The following TBC1D5 variants were observed in gnomAD, a reference collection of about 807,000 sequenced individuals.
TBC1D5 encodes the protein TBC1 domain family member 5.
TBC1D5 carries 75 observed loss-of-function variants against 100.3 expected under a neutral mutation model. That is an observed-to-expected ratio of 0.75 (90% CI 0.62 to 0.91). The LOEUF (loss-of-function observed/expected upper bound fraction) is 0.91, where lower values mean the gene tolerates loss of function less well. Ranked by LOEUF, TBC1D5 falls within the 40% of genes least tolerant of loss-of-function variation. The pLI is 0.00. For missense variants in TBC1D5, 910 were observed against 942.4 expected (o/e 0.97, Z 0.45); for synonymous variants, 323 against 325.6 (o/e 0.99, Z 0.09).
chr3:17,474,728 G>A (rs1012612832), intron 3 of TBC1D5, among the ~76,000 whole-genome samples: 1 of 152,094 alleles, frequency 6.6e-6, no homozygotes, highest in African/African-American at 2.4e-5. Flanking sequence ...AAGGACAGGA[G>A]AAGCACAGGC....
chr3:17,620,787 G>C (rs2062598074), intron 2 of TBC1D5, among the ~76,000 whole-genome samples: 1 of 151,964 alleles, frequency 6.6e-6, no homozygotes, highest in African/African-American at 2.4e-5. Context: ...AATCAATAAG[G>C]ATGTAAAGAA....
intron 13 of TBC1D5, among the ~76,000 whole-genome samples, chr3:17,368,516 T>C (rs1331332186): frequency 6.6e-6 from 1 of 152,098 alleles, no homozygotes; most frequent in Non-Finnish European, 1.5e-5. Context: ...GAAATTGGAC[T>C]CTACATGGGG....
At chr3:17,173,897 G>A (rs2067427107) in intron 19 of TBC1D5, among the ~76,000 whole-genome samples, 1 of 152,192 alleles carries the variant, frequency 6.6e-6, no homozygotes. Context: ...CCTGTCATTT[G>A]TCACTACTGG....
At chr3:17,705,894 G>A (rs1007911351) in intron 1 of TBC1D5, among the ~76,000 whole-genome samples, 1 of 152,100 alleles carries the variant, frequency 6.6e-6, no homozygotes, top group African/African-American at 2.4e-5. Flanking sequence ...GGCCAAGGCA[G>A]GCGTCTGCTC....
chr3:17,557,327 G>T (rs2153463474), intron 2 of TBC1D5, among the ~76,000 whole-genome samples: 1 of 152,186 alleles, frequency 6.6e-6, no homozygotes, highest in South Asian at 2.1e-4. Context: ...GAGCTATTTT[G>T]CCACACAATA....
At chr3:17,487,052 C>A (rs1049020088) in intron 3 of TBC1D5, among the ~76,000 whole-genome samples, 1 of 152,160 alleles carries the variant, frequency 6.6e-6, no homozygotes, top group Non-Finnish European at 1.5e-5. Flanking sequence ...CGGTGGTCAA[C>A]AAACTAAAGC....
chr3:17,490,460 C>T (rs73153055), intron 3 of TBC1D5, among the ~76,000 whole-genome samples: 12,163 of 151,996 alleles, frequency 0.08, 1,002 homozygotes, highest in African/African-American at 0.22. Context: ...AGAGTTTTCA[C>T]AGTTTCATAG....
At chr3:17,540,184 T>C (rs1009633813) in intron 2 of TBC1D5, among the ~76,000 whole-genome samples, 2 of 152,242 alleles carry the variant, frequency 1.3e-5, no homozygotes, top group Non-Finnish European at 2.9e-5. Context: ...CAAACCAAGC[T>C]GTTTGTTTTG....
chr3:17,331,384 T>A (rs1217288155), intron 13 of TBC1D5, among the ~76,000 whole-genome samples: 1 of 152,226 alleles, frequency 6.6e-6, no homozygotes, highest in Non-Finnish European at 1.5e-5. Context: ...ACACAATATA[T>A]GACAACTCTC....
intron 13 of TBC1D5, among the ~76,000 whole-genome samples, chr3:17,354,817 G>T (rs2091041369): frequency 6.6e-6 from 1 of 151,808 alleles, no homozygotes; most frequent in Non-Finnish European, 1.5e-5. Flanking sequence ...TAAATATACA[G>T]GTATGAACTT....
chr3:17,651,589 G>C (rs2065573526), intron 1 of TBC1D5, among the ~76,000 whole-genome samples: 1 of 152,116 alleles, frequency 6.6e-6, no homozygotes, highest in African/African-American at 2.4e-5. Context: ...TGTGATCCCA[G>C]CTACTCAGGA....
rs556025439 is a variant in TBC1D5, at chr3:17,364,401, A to C, written c.995+7674T>G. Among the ~76,000 whole-genome samples, 22 of 152,342 alleles carry C rather than the reference A, an allele frequency of 1.4e-4. No homozygotes were observed. The South Asian group carries it at 4.1e-3, about 29-fold the overall frequency. ...GGCATTTGAGATATATTAATGAATA[A>C]GACAGACAAACTCCTTGCTGTCACA... On this transcript the variant is annotated intron_variant, in intron 13 of 21. Transcript: ENST00000253692.
intron 3 of TBC1D5, among the ~76,000 whole-genome samples, chr3:17,480,061 T>C (rs1254936654): frequency 6.6e-6 from 1 of 152,076 alleles, no homozygotes; most frequent in East Asian, 1.9e-4. Flanking sequence ...CTCTCTGGAG[T>C]GAAGCAAAGC....
chr3:17,346,260 T>C (rs1375382370), intron 13 of TBC1D5, among the ~76,000 whole-genome samples: 1 of 152,158 alleles, frequency 6.6e-6, no homozygotes, highest in South Asian at 2.1e-4. Flanking sequence ...CTTCCAAATA[T>C]GGGGTACACT....
chr3:17,623,170 T>C (rs960761101), intron 2 of TBC1D5, among the ~76,000 whole-genome samples: 3 of 152,184 alleles, frequency 2.0e-5, no homozygotes, highest in African/African-American at 4.8e-5. Context: ...TTAATATTCA[T>C]ATGAATGACC....
intron 18 of TBC1D5, among the ~76,000 whole-genome samples, chr3:17,199,705 C>T (rs572043719): frequency 6.6e-6 from 1 of 152,342 alleles, no homozygotes; most frequent in African/African-American, 2.4e-5. Flanking sequence ...ATGTTGCAAA[C>T]TGTCCCACCT....
At chr3:17,170,354 C>T (rs2470346) in intron 19 of TBC1D5, among the ~76,000 whole-genome samples, 56,326 of 151,998 alleles carry the variant, frequency 0.37, 10,490 homozygotes, top group South Asian at 0.45. Flanking sequence ...TCAGGAGCAT[C>T]AGGACATTTG....
Position 17,410,263 on chromosome 3 carries a change from T to C in TBC1D5, c.168-3737A>G, listed in dbSNP as rs555420386. Among the ~76,000 whole-genome samples, 9 of 152,222 alleles carry C rather than the reference T, an allele frequency of 5.9e-5. No individual in the cohort carries two copies. The South Asian group carries it at 1.9e-3, about 32-fold the overall frequency. On this transcript the variant is annotated intron_variant, in intron 4 of 21. Transcript: ENST00000253692. ...GTTTGCAACATGGTTTACAGAATATTTTAAGCCCATTTTTGGAAACTATTG... is the reference window on the plus strand; with the variant it reads ...GTTTGCAACATGGTTTACAGAATATCTTAAGCCCATTTTTGGAAACTATTG...
rs1436709657 is a variant in TBC1D5 at position 17,167,764 on chromosome 3, CA to C, written c.1916del (p.Leu639ArgfsTer4). On this transcript the variant is annotated frameshift_variant, in exon 20 of 22. Coordinates refer to ENST00000253692, the Ensembl canonical transcript of TBC1D5. LOFTEE classifies it high-confidence loss of function. The stretch of plus-strand genomic sequence containing the variant: ...ATGCACATACCTGTTTTAATCCTGC[CA>C]GGGAAACCAGAATTTGATCTTCTTT... 47 of 1,613,424 alleles carry C rather than the reference CA, an allele frequency of 2.9e-5. No individual in the cohort carries two copies. Among genetic ancestry groups the C allele is most frequent in the Non-Finnish European group, 4.0e-5 (47 of 1,179,762 alleles).
Sources: gnomAD v4.1 joint callset for allele counts (sites outside exome capture counted in the v4.1 genomes callset) on GRCh38, gnomAD v4.1.1 for gene constraint, MANE v1.5 for transcripts, NCBI Gene and HGNC (gene_info 2026-07-23, HGNC 2026-07-21) for gene names.